Variants in DAB1 observed in about 807,000 individuals in gnomAD.
The protein encoded by DAB1 is disabled homolog 1.
In DAB1, 15 loss-of-function variants were observed where a neutral mutation model predicts 64.6. That is an observed-to-expected ratio of 0.23 (90% CI 0.16 to 0.36). DAB1 has a LOEUF of 0.36. Among genes scored for constraint, DAB1 ranks in the 10% least tolerant of loss-of-function variants. DAB1 has a pLI of 1.00. For synonymous variants in DAB1, 235 were observed against 251.9 expected (o/e 0.93, Z 0.64); for missense variants, 596 against 706.7 (o/e 0.84, Z 1.78).
intron 3 of DAB1, among the ~76,000 whole-genome samples, chr1:58,425,397 C>T (rs954181936): frequency 6.6e-6 from 1 of 152,228 alleles, no homozygotes; most frequent in Non-Finnish European, 1.5e-5. Flanking sequence ...CCTAGGCTAG[C>T]TTTGTGTGCC....
intron 7 of DAB1, among the ~76,000 whole-genome samples, chr1:57,636,118 A>AAAG (rs1646053442): frequency 6.7e-6 from 1 of 149,466 alleles, no homozygotes; most frequent in Non-Finnish European, 1.5e-5. Context: ...AAAAAACAAA[A>AAAG]ACAAAAAACT....
chr1:57,156,147 C>T (rs539298830), intron 2 of DAB1, among the ~76,000 whole-genome samples: 9 of 152,168 alleles, frequency 5.9e-5, no homozygotes, highest in South Asian at 4.2e-4. Context: ...GATGTGCCTC[C>T]GCTTTCACCC....
intron 6 of DAB1, among the ~76,000 whole-genome samples, chr1:57,819,082 A>G (rs1652002052): frequency 6.6e-6 from 1 of 152,158 alleles, no homozygotes; most frequent in Non-Finnish European, 1.5e-5. Context: ...TGCTATATAC[A>G]TATTTGACTA....
At chr1:57,289,781 G>T (rs1451952613) in intron 2 of DAB1, among the ~76,000 whole-genome samples, 1 of 152,180 alleles carries the variant, frequency 6.6e-6, no homozygotes, top group Non-Finnish European at 1.5e-5. Flanking sequence ...ACCTGAGAGA[G>T]AGCTCTGTCA....
At chr1:57,558,127 C>A (rs1645011808) in intron 7 of DAB1, among the ~76,000 whole-genome samples, 1 of 152,096 alleles carries the variant, frequency 6.6e-6, no homozygotes, top group African/African-American at 2.4e-5. Flanking sequence ...TGTGGGAGGA[C>A]CCTGATGAAG....
At chr1:58,340,138 C>T (rs547682267) in intron 4 of DAB1, among the ~76,000 whole-genome samples, 1 of 152,274 alleles carries the variant, frequency 6.6e-6, no homozygotes, top group Admixed American at 6.5e-5. Flanking sequence ...CATTCTGGTG[C>T]TTTTCTATAC....
intron 2 of DAB1, among the ~76,000 whole-genome samples, chr1:57,238,216 T>C (rs1416175166): frequency 6.6e-6 from 1 of 152,206 alleles, no homozygotes; most frequent in Non-Finnish European, 1.5e-5. Flanking sequence ...GAGAATTCTG[T>C]GCCCTGCCTG....
intron 4 of DAB1, among the ~76,000 whole-genome samples, chr1:57,082,717 C>G (rs1295499299): frequency 6.6e-6 from 1 of 152,024 alleles, no homozygotes; most frequent in Non-Finnish European, 1.5e-5. Flanking sequence ...TGTGTTGTTC[C>G]CCTCCCTGTG....
At chr1:57,113,702 G>A (rs554334634) in intron 4 of DAB1, among the ~76,000 whole-genome samples, 66 of 152,044 alleles carry the variant, frequency 4.3e-4, no homozygotes, top group Non-Finnish European at 8.2e-4. Context: ...ATCAAAAACC[G>A]GTGGTATGCT....
At chr1:57,129,984 AG>A (rs1657508218) in intron 4 of DAB1, among the ~76,000 whole-genome samples, 1 of 151,838 alleles carries the variant, frequency 6.6e-6, no homozygotes, top group Non-Finnish European at 1.5e-5. Flanking sequence ...GTCACATGCC[AG>A]GGTTTCCTAT....
chr1:57,562,190 T>G (rs1645060387), intron 7 of DAB1, among the ~76,000 whole-genome samples: 2 of 152,114 alleles, frequency 1.3e-5, no homozygotes, highest in South Asian at 4.1e-4. Context: ...CTGGCCAACA[T>G]GATGAAACCC....
At chr1:58,087,068 T>C (rs1435837422) in intron 5 of DAB1, among the ~76,000 whole-genome samples, 1 of 152,146 alleles carries the variant, frequency 6.6e-6, no homozygotes, top group Non-Finnish European at 1.5e-5. Flanking sequence ...TTAGGCAAAA[T>C]GTGTAATTTT....
chr1:57,786,169 C>T lies in DAB1; in HGVS notation n.551+97830G>A, dbSNP rs79744296. Among the ~76,000 whole-genome samples, 259 of 152,264 alleles carry T rather than the reference C, an allele frequency of 1.7e-3. 7 individuals carry two copies. The East Asian group carries it at 0.043, about 25-fold the overall frequency. On this transcript the variant is annotated intron_variant and non_coding_transcript_variant, in intron 6 of 20. Coordinates refer to the DAB1 transcript ENST00000485760. Reference sequence around the variant, plus strand: ...AGGTATTCACACTGTCTTTTAAAGACATAATACTTTTGCACACTTAATGGA... The same window carrying T: ...AGGTATTCACACTGTCTTTTAAAGATATAATACTTTTGCACACTTAATGGA...
intron 4 of DAB1, among the ~76,000 whole-genome samples, chr1:58,254,748 T>G (rs1301203446): frequency 1.0e-4 from 7 of 67,360 alleles, no homozygotes; most frequent in East Asian, 7.0e-4. Flanking sequence ...CTGCATAGTA[T>G]TCCATGGTGT....
chr1:57,920,338 G>T (rs72666163), intron 5 of DAB1, among the ~76,000 whole-genome samples: 20,567 of 151,932 alleles, frequency 0.14, 1,498 homozygotes, highest in Middle Eastern at 0.25. Flanking sequence ...TTTGAAACAG[G>T]GCCTCACTCT....
At chr1:57,165,015 A>C (rs936543316) in intron 2 of DAB1, among the ~76,000 whole-genome samples, 1 of 152,188 alleles carries the variant, frequency 6.6e-6, no homozygotes, top group African/African-American at 2.4e-5. Flanking sequence ...TGCCCCAGGG[A>C]CCCTTGGTTT....
At chr1:58,073,496 C>T (rs1301185917) in intron 5 of DAB1, among the ~76,000 whole-genome samples, 1 of 152,198 alleles carries the variant, frequency 6.6e-6, no homozygotes, top group Admixed American at 6.5e-5. Flanking sequence ...CTACAGTAGA[C>T]TGTGACTTCC....
At chr1:57,749,266 G>A (rs527577141) in intron 6 of DAB1, among the ~76,000 whole-genome samples, 2 of 152,324 alleles carry the variant, frequency 1.3e-5, no homozygotes, top group African/African-American at 4.8e-5. Flanking sequence ...AAGGCTCAGA[G>A]TGGTTAAGAG....
At chr1:57,871,256 ACTAT>A (rs778184372) in intron 1 of DAB1, among the ~76,000 whole-genome samples, 1 of 145,728 alleles carries the variant, frequency 6.9e-6, no homozygotes, top group African/African-American at 2.4e-5. Flanking sequence ...AATAGATATA[ACTAT>A]CTAAGAGGTA....
Sources: gnomAD v4.1 joint callset for allele counts (sites outside exome capture counted in the v4.1 genomes callset) on GRCh38, gnomAD v4.1.1 for gene constraint, MANE v1.5 for transcripts, NCBI Gene and HGNC (gene_info 2026-07-23, HGNC 2026-07-21) for gene names.